UBE2R2: variants seen among roughly 807,000 people sequenced by gnomAD.
UBE2R2 encodes ubiquitin-conjugating enzyme E2 R2.
UBE2R2 carries 1 observed loss-of-function variant against 27.8 expected under a neutral mutation model. The ratio of observed to expected loss-of-function variants is 0.04; its 90% CI spans 0.01 to 0.17. The LOEUF (loss-of-function observed/expected upper bound fraction) is 0.17. Ranked by LOEUF, UBE2R2 falls within the 10% of genes least tolerant of loss-of-function variation. The probability of loss-of-function intolerance (pLI) is 1.00; values close to 1 mark genes in which losing one functional copy is unlikely to be tolerated. For missense variants in UBE2R2, 100 were observed against 291.0 expected, an observed-to-expected ratio of 0.34 and a Z score of 4.78; for synonymous variants, 106 against 113.3, an observed-to-expected ratio of 0.94 and a Z score of 0.41.
chr9:33,874,128 A>G (rs938805957), intron 1 of UBE2R2, among the ~76,000 whole-genome samples: 2 of 150,766 alleles, frequency 1.3e-5, no homozygotes, highest in Non-Finnish European at 3.0e-5. Flanking sequence ...TTGTATTTTT[A>G]GTAGAGATGG....
chr9:33,891,600 T>C (rs893874694), intron 2 of UBE2R2, among the ~76,000 whole-genome samples: 5 of 151,486 alleles, frequency 3.3e-5, no homozygotes, highest in South Asian at 2.1e-4. Context: ...TGAGCCAAGA[T>C]TGCACCACTG....
intron 1 of UBE2R2, among the ~76,000 whole-genome samples, chr9:33,826,167 A>G (rs1820311848): frequency 6.6e-6 from 1 of 151,494 alleles, no homozygotes; most frequent in African/African-American, 2.4e-5. Context: ...AAAAAATCCT[A>G]CAGAGATTCC....
chr9:33,914,821 A>G (rs1587486962), intron 4 of UBE2R2, among the ~76,000 whole-genome samples: 1 of 150,468 alleles, frequency 6.6e-6, no homozygotes, highest in African/African-American at 2.4e-5. Flanking sequence ...AAAGCAAGAC[A>G]CCGTCTCAAA....
intron 3 of UBE2R2, among the ~76,000 whole-genome samples, chr9:33,906,444 T>G (rs1050363778): frequency 6.6e-6 from 1 of 152,172 alleles, no homozygotes. Context: ...TTTTGGTTTT[T>G]AGGAATAAGC....
intron 1 of UBE2R2, among the ~76,000 whole-genome samples, chr9:33,826,463 C>A (rs1820316885): frequency 6.6e-6 from 1 of 152,074 alleles, no homozygotes; most frequent in Non-Finnish European, 1.5e-5. Flanking sequence ...CTTTGGGAGG[C>A]CGAGGCAGGC....
intron 1 of UBE2R2, 28 bp downstream of exon 1, chr9:33,817,962 C>A: frequency 6.3e-7 from 1 of 1,591,862 alleles, no homozygotes; most frequent in Non-Finnish European, 8.6e-7. Flanking sequence ...CCGGACCCTG[C>A]TTCCGCGGCC....
intron 3 of UBE2R2, among the ~76,000 whole-genome samples, chr9:33,909,269 T>C (rs796154911): frequency 3.5e-4 from 53 of 152,224 alleles, no homozygotes; most frequent in African/African-American, 1.3e-3. Flanking sequence ...GTGAATAACC[T>C]AAGGTCAGGA....
At chr9:33,846,545 C>T (rs1171779702) in intron 1 of UBE2R2, among the ~76,000 whole-genome samples, 1 of 151,932 alleles carries the variant, frequency 6.6e-6, no homozygotes, top group Non-Finnish European at 1.5e-5. Flanking sequence ...ATGGGTTAAG[C>T]AATGACAATA....
chr9:33,912,151 G>A, intron 4 of UBE2R2, 53 bp downstream of exon 4: 1 of 1,467,520 alleles, frequency 6.8e-7, no homozygotes, highest in Non-Finnish European at 9.4e-7. Context: ...AATATATTCT[G>A]GAACCAAGGG....
At chr9:33,830,225 T>C (rs1820430400) in intron 1 of UBE2R2, among the ~76,000 whole-genome samples, 1 of 147,856 alleles carries the variant, frequency 6.8e-6, no homozygotes, top group Non-Finnish European at 1.5e-5. Flanking sequence ...TTGCGTGACC[T>C]CAGCTCACTG....
intron 1 of UBE2R2, among the ~76,000 whole-genome samples, chr9:33,862,294 A>G (rs758205887): frequency 6.6e-6 from 1 of 152,034 alleles, no homozygotes; most frequent in Non-Finnish European, 1.5e-5. Flanking sequence ...TTGCTCCTTC[A>G]TATCTGGTAG....
intron 2 of UBE2R2, among the ~76,000 whole-genome samples, chr9:33,894,313 A>T (rs1436883067): frequency 1.3e-5 from 2 of 152,160 alleles, no homozygotes; most frequent in Admixed American, 1.3e-4. Context: ...AAGTGGGTGT[A>T]AAGTGGTAGC....
In UBE2R2 at chr9:33,825,220, A is replaced by G. The variant is rs548053388; in HGVS notation, c.177+7286A>G. 7.3e-5 allele frequency among the ~76,000 whole-genome samples: 11 copies of G among 151,684 alleles called. 1 individual carries two copies. The South Asian group carries it at 2.3e-3, about 32-fold the overall frequency. On this transcript the variant is annotated intron_variant, in intron 1 of 4. Transcript: ENST00000263228. ...TGGGAGGCAAACAACAAAAACAAAA[A>G]GAATGATCTTCATAAAAGCAAAGCT... is the stretch of plus-strand genomic sequence containing the variant.
At chr9:33,866,561 CAT>C (rs1473143359) in intron 1 of UBE2R2, among the ~76,000 whole-genome samples, 6 of 152,116 alleles carry the variant, frequency 3.9e-5, no homozygotes, top group South Asian at 2.1e-4. Flanking sequence ...TTGATCAAAA[CAT>C]GTGAAGGTAG....
intron 3 of UBE2R2, among the ~76,000 whole-genome samples, chr9:33,911,101 C>CA (rs1414740548): frequency 6.8e-6 from 1 of 146,028 alleles, no homozygotes; most frequent in African/African-American, 2.5e-5. Context: ...AAGACCCTGT[C>CA]AAAAAACAAA....
chr9:33,877,848 T>TCTCTCTCTCTCTCTCTCC (rs1554675202), intron 1 of UBE2R2, among the ~76,000 whole-genome samples: 2 of 151,346 alleles, frequency 1.3e-5, no homozygotes, highest in Admixed American at 1.3e-4. Flanking sequence ...TCTCTCTCTC[T>TCTCTCTCTCTCTCTCTCC]CCCACTCTCC....
intron 1 of UBE2R2, among the ~76,000 whole-genome samples, chr9:33,848,981 G>A (rs1168725433): frequency 1.3e-5 from 2 of 151,924 alleles, no homozygotes; most frequent in Non-Finnish European, 2.9e-5. Context: ...TTTAGGCCGG[G>A]TGCCGTGGCT....
intron 1 of UBE2R2, among the ~76,000 whole-genome samples, chr9:33,867,637 C>T (rs10120271): frequency 0.2 from 30,013 of 152,072 alleles, 3,239 homozygotes; most frequent in South Asian, 0.33. Flanking sequence ...TGTTGAACAC[C>T]ATATTAACTG....
At chr9:33,882,385 C>G (rs1563999105) in intron 1 of UBE2R2, among the ~76,000 whole-genome samples, 1 of 152,182 alleles carries the variant, frequency 6.6e-6, no homozygotes, top group Non-Finnish European at 1.5e-5. Flanking sequence ...TGCCCGGGTT[C>G]AAGCAATTCT....
Sources: gnomAD v4.1 joint callset for allele counts (sites outside exome capture counted in the v4.1 genomes callset) on GRCh38, gnomAD v4.1.1 for gene constraint, MANE v1.5 for transcripts, NCBI Gene and HGNC (gene_info 2026-07-23, HGNC 2026-07-21) for gene names.